PHLPP1: variants seen among roughly 807,000 people sequenced by gnomAD.
The protein encoded by PHLPP1 is PH domain leucine-rich repeat-containing protein phosphatase 1.
A neutral mutation model predicts 117.2 loss-of-function variants in PHLPP1; 42 were observed. That is an observed-to-expected ratio of 0.36 (90% CI 0.28 to 0.46). The LOEUF (loss-of-function observed/expected upper bound fraction) is 0.46, where lower values mean the gene tolerates loss of function less well. Among genes scored for constraint, PHLPP1 ranks in the 20% least tolerant of loss-of-function variants. The probability of loss-of-function intolerance (pLI) is 1.00; values close to 1 mark genes in which losing one functional copy is unlikely to be tolerated. For synonymous variants in PHLPP1, 1,042 were observed against 970.7 expected (o/e 1.07, Z -1.37); for missense variants, 2,084 against 2,241.9 (o/e 0.93, Z 1.42).
intron 1 of PHLPP1, among the ~76,000 whole-genome samples, chr18:62,804,471 G>A (rs552713232): frequency 3.9e-5 from 6 of 152,044 alleles, no homozygotes; most frequent in South Asian, 2.1e-4. Flanking sequence ...CAGCACCTTG[G>A]GCTGGGAGGC....
chr18:62,717,168 C>T lies in PHLPP1; in HGVS notation c.1485C>T (p.Asp495=). 6.2e-7 allele frequency: 1 copy of T among 1,612,986 alleles called. No individual in the cohort carries two copies. The highest frequency in any genetic ancestry group is 8.5e-7 in the Non-Finnish European group (1 of 1,179,486). Reference sequence around the variant, plus strand: ...AGAAGCCATTGCAGATCCAAAATGACTACCTCTTCCAACTGGGATTTGGGG... The same window carrying T: ...AGAAGCCATTGCAGATCCAAAATGATTACCTCTTCCAACTGGGATTTGGGG... The part of the protein sequence containing the change: ...AEEKPLQIQN[D]YLFQLGFGEL... Residue 495 remains aspartate, a synonymous_variant, in exon 1 of 17, where the codon GAC becomes GAT. Transcript: ENST00000262719.
intron 1 of PHLPP1, among the ~76,000 whole-genome samples, chr18:62,803,003 G>A (rs1348472001): frequency 6.6e-6 from 1 of 152,030 alleles, no homozygotes; most frequent in East Asian, 1.9e-4. Context: ...TTTGAGAGTA[G>A]GGTGGAGAAT....
intron 10 of PHLPP1, among the ~76,000 whole-genome samples, chr18:62,925,902 C>G (rs978627771): frequency 6.6e-6 from 1 of 152,194 alleles, no homozygotes; most frequent in African/African-American, 2.4e-5. Context: ...CCCCCAGTGA[C>G]TCCAGTGCAG....
At chr18:62,719,870 G>A (rs1910865557) in intron 1 of PHLPP1, among the ~76,000 whole-genome samples, 1 of 152,028 alleles carries the variant, frequency 6.6e-6, no homozygotes, top group Admixed American at 6.6e-5. Flanking sequence ...AACCTGACTA[G>A]GGTTGTTTTT....
rs536982089 is a variant in PHLPP1, at chr18:62,856,062, G to T, written c.1900-4373G>T. Among the ~76,000 whole-genome samples the T allele has an allele frequency of 5.3e-5, 8 of 152,254 alleles. No homozygotes were observed. In the South Asian group the frequency reaches 1.7e-3, roughly 32 times the overall value. On this transcript the variant is annotated intron_variant, in intron 3 of 16. Coordinates refer to ENST00000262719, the MANE Select transcript of PHLPP1 (RefSeq NM_194449.4). The stretch of plus-strand genomic sequence containing the variant: ...TGGTACAGTAGGCCCTTCTTACTGC[G>T]AGTTTCCCATTTTCAGATTCAACTA...
At chr18:62,767,947 T>C (rs964776272) in intron 1 of PHLPP1, among the ~76,000 whole-genome samples, 1 of 152,174 alleles carries the variant, frequency 6.6e-6, no homozygotes, top group African/African-American at 2.4e-5. Flanking sequence ...GGCACTTAGA[T>C]AACTAAGAAA....
intron 9 of PHLPP1, among the ~76,000 whole-genome samples, chr18:62,917,848 A>G (rs1909340706): frequency 1.3e-5 from 2 of 151,794 alleles, no homozygotes; most frequent in South Asian, 4.2e-4. Context: ...AATTCAGGCA[A>G]GGCAATGATT....
chr18:62,902,313 A>G (rs555504464), intron 6 of PHLPP1, among the ~76,000 whole-genome samples: 1 of 151,872 alleles, frequency 6.6e-6, no homozygotes, highest in Non-Finnish European at 1.5e-5. Flanking sequence ...TCTGCACTTC[A>G]CTCTATCAAG....
chr18:62,840,135 A>C (rs1384698318), intron 3 of PHLPP1, among the ~76,000 whole-genome samples: 5 of 152,212 alleles, frequency 3.3e-5, no homozygotes, highest in Admixed American at 6.5e-5. Flanking sequence ...ACTTTGGAAA[A>C]CAGTTAAGAG....
In PHLPP1 at chr18:62,830,127, T is replaced by C. The variant is rs1914716305; in HGVS notation, c.1669T>C (p.Trp557Arg). Residue 557 changes from tryptophan (W) to arginine (R), a missense_variant, in exon 2 of 17, where the codon TGG (tryptophan) becomes CGG (arginine). Physicochemically the swap from Trp to Arg is moderately radical, Grantham distance 101. Coordinates refer to ENST00000262719, the MANE Select transcript of PHLPP1 (RefSeq NM_194449.4). Reference protein sequence around the residue: ...KGKMQLPVNRWTRRQVILCGT... With the variant: ...KGKMQLPVNRRTRRQVILCGT... Reference sequence around the variant, plus strand: ...CAAGATGCAGTTGCCAGTGAACCGATGGACAAGACGCCAAGTCATCCTATG... The same window carrying C: ...CAAGATGCAGTTGCCAGTGAACCGACGGACAAGACGCCAAGTCATCCTATG... 1.9e-6 allele frequency: 3 copies of C among 1,611,920 alleles called. No homozygotes were observed. The highest frequency in any genetic ancestry group is 2.5e-6 in the Non-Finnish European group (3 of 1,179,038).
chr18:62,818,039 G>A (rs565412802), intron 1 of PHLPP1, among the ~76,000 whole-genome samples: 1 of 151,808 alleles, frequency 6.6e-6, no homozygotes, highest in South Asian at 2.1e-4. Flanking sequence ...ATGTTTAGCC[G>A]AGACAGGGTT....
chr18:62,873,502 G>A (rs1036343234), intron 4 of PHLPP1, among the ~76,000 whole-genome samples: 3 of 152,188 alleles, frequency 2.0e-5, no homozygotes, highest in African/African-American at 7.2e-5. Flanking sequence ...GTTTATGGTT[G>A]GTGGTTATCG....
At chr18:62,925,799 A>T (rs1336710015) in intron 10 of PHLPP1, among the ~76,000 whole-genome samples, 1 of 152,166 alleles carries the variant, frequency 6.6e-6, no homozygotes, top group Non-Finnish European at 1.5e-5. Context: ...TTCCTAGAGT[A>T]CTTACCAAAC....
At chr18:62,900,011 T>C (rs972689998) in intron 6 of PHLPP1, among the ~76,000 whole-genome samples, 2 of 152,126 alleles carry the variant, frequency 1.3e-5, no homozygotes, top group African/African-American at 4.8e-5. Context: ...AAAAAGTTTG[T>C]CTGGGCCAGG....
At chr18:62,787,734 C>T (rs1366787670) in intron 1 of PHLPP1, among the ~76,000 whole-genome samples, 1 of 151,886 alleles carries the variant, frequency 6.6e-6, no homozygotes, top group African/African-American at 2.4e-5. Flanking sequence ...TTTCACTGGT[C>T]TACGTAAATG....
rs892960080 is a variant in PHLPP1, at chr18:62,804,764, A to AGT, written c.1577-25260_1577-25259dup. On this transcript the variant is annotated intron_variant, in intron 1 of 16. Coordinates refer to ENST00000262719, the MANE Select transcript of PHLPP1 (RefSeq NM_194449.4). ...TGTGGCCCAGGCTGGTATAATATAC[A>AGT]GTGTGTGTGTGTATATATGTAAACA... is the stretch of plus-strand genomic sequence containing the variant. Among the ~76,000 whole-genome samples, 13 of 150,292 alleles carry AGT rather than the reference A, an allele frequency of 8.6e-5. 1 individual carries two copies. The highest frequency in any genetic ancestry group is 2.4e-4 in the African/African-American group (10 of 40,864).
chr18:62,787,358 G>A (rs981419663), intron 1 of PHLPP1, among the ~76,000 whole-genome samples: 4 of 152,196 alleles, frequency 2.6e-5, no homozygotes, highest in African/African-American at 9.6e-5. Flanking sequence ...AATAGAGACG[G>A]GTTTTCGCCA....
intron 1 of PHLPP1, among the ~76,000 whole-genome samples, chr18:62,827,771 C>CAGT (rs1331305915): frequency 7.9e-5 from 12 of 152,196 alleles, no homozygotes; most frequent in African/African-American, 2.9e-4. Flanking sequence ...CTGATGTATC[C>CAGT]ATACTCTTCT....
chr18:62,942,524 C>G (rs1910159044), intron 11 of PHLPP1, among the ~76,000 whole-genome samples: 1 of 152,142 alleles, frequency 6.6e-6, no homozygotes, highest in South Asian at 2.1e-4. Context: ...GAAACTGTAA[C>G]ATTGCAAATT....
Sources: allele counts gnomAD v4.1 joint callset (sites outside exome capture counted in the v4.1 genomes callset), GRCh38; gene constraint gnomAD v4.1.1; transcripts MANE v1.5; gene names NCBI Gene and HGNC (gene_info 2026-07-23, HGNC 2026-07-21).